Variants in FMNL2 observed in about 807,000 individuals in gnomAD.
FMNL2 encodes formin-like protein 2.
Under a neutral mutation model 130.2 loss-of-function variants are expected in FMNL2, and 51 were observed. The observed-to-expected ratio is 0.39, with a 90% confidence interval of 0.31 to 0.49. The LOEUF (loss-of-function observed/expected upper bound fraction) is 0.49. Ranked by LOEUF, FMNL2 falls within the 20% of genes least tolerant of loss-of-function variation. The pLI, the probability that FMNL2 is intolerant of heterozygous loss-of-function variation, is 0.85. For synonymous variants in FMNL2, 465 were observed against 467.1 expected (o/e 1.00, Z 0.06); for missense variants, 977 against 1,316.2 (o/e 0.74, Z 3.99).
rs555345239 is a variant in FMNL2 at position 152,635,908 on chromosome 2, A to G, written c.2681-519A>G. Among the ~76,000 whole-genome samples, 8 of 152,320 alleles carry G rather than the reference A, an allele frequency of 5.3e-5. No homozygotes were observed. The South Asian group carries it at 1.7e-3, about 32-fold the overall frequency. The stretch of plus-strand genomic sequence containing the variant: ...AAGAGTTGTAATCCCAACACTTTGG[A>G]AAGTCGGGGCAGGAGTTTGAAGGTG... On this transcript the variant is annotated intron_variant, in intron 21 of 25. Coordinates refer to ENST00000288670, the MANE Select transcript of FMNL2 (RefSeq NM_052905.4).
chr2:152,450,045 C>T (rs752135582), intron 1 of FMNL2, among the ~76,000 whole-genome samples: 1 of 152,002 alleles, frequency 6.6e-6, no homozygotes, highest in Non-Finnish European at 1.5e-5. Context: ...CTTCTGTCAC[C>T]GACATAGAAA....
chr2:152,352,753 TTTC>T (rs1682568891), intron 1 of FMNL2, among the ~76,000 whole-genome samples: 1 of 152,144 alleles, frequency 6.6e-6, no homozygotes, highest in Admixed American at 6.5e-5. Context: ...CTCTGAAGGC[TTTC>T]TGAAGGCTCT....
intron 2 of FMNL2, among the ~76,000 whole-genome samples, chr2:152,525,711 G>A (rs987353167): frequency 6.6e-6 from 1 of 152,188 alleles, no homozygotes; most frequent in Admixed American, 6.5e-5. Context: ...CTTCCTGTGC[G>A]AAGCGTTTCA....
chr2:152,495,139 T>A (rs1218219113), intron 1 of FMNL2, among the ~76,000 whole-genome samples: 1 of 152,146 alleles, frequency 6.6e-6, no homozygotes, highest in Non-Finnish European at 1.5e-5. Context: ...AAAGCCTGAA[T>A]ATGTAAATGG....
intron 1 of FMNL2, among the ~76,000 whole-genome samples, chr2:152,401,026 T>G (rs938188955): frequency 1.5e-4 from 23 of 152,228 alleles, no homozygotes. Flanking sequence ...TAAAGTTACA[T>G]GTAGGAAGAT....
intron 9 of FMNL2, among the ~76,000 whole-genome samples, chr2:152,605,404 G>T (rs1310293365): frequency 6.6e-6 from 1 of 151,902 alleles, no homozygotes; most frequent in Non-Finnish European, 1.5e-5. Flanking sequence ...CTGCAGCCTC[G>T]ACCTCATGGA....
intron 1 of FMNL2, among the ~76,000 whole-genome samples, chr2:152,375,763 C>T (rs2105876363): frequency 6.7e-6 from 1 of 149,926 alleles, no homozygotes; most frequent in African/African-American, 2.5e-5. Context: ...CCTGCCATTG[C>T]TTTGTTATGA....
chr2:152,505,539 C>T (rs1361894108), intron 1 of FMNL2, among the ~76,000 whole-genome samples: 1 of 152,130 alleles, frequency 6.6e-6, no homozygotes, highest in African/African-American at 2.4e-5. Context: ...CATTACTTGG[C>T]TTATTATTAC....
chr2:152,548,588 T>C (rs912084897), intron 3 of FMNL2, among the ~76,000 whole-genome samples: 1 of 152,208 alleles, frequency 6.6e-6, no homozygotes, highest in Non-Finnish European at 1.5e-5. Flanking sequence ...CCTGGTTTCC[T>C]GCACGTTTTA....
At chr2:152,425,819 A>G (rs1028456349) in intron 1 of FMNL2, among the ~76,000 whole-genome samples, 1 of 152,158 alleles carries the variant, frequency 6.6e-6, no homozygotes, top group Non-Finnish European at 1.5e-5. Context: ...TGTGTTTCTA[A>G]TCAATAGTTC....
intron 1 of FMNL2, among the ~76,000 whole-genome samples, chr2:152,493,701 C>T (rs560160519): frequency 1.8e-4 from 28 of 152,352 alleles, no homozygotes; most frequent in Non-Finnish European, 3.1e-4. Flanking sequence ...AGCAGTTCCT[C>T]TTCCCCTTCT....
intron 1 of FMNL2, among the ~76,000 whole-genome samples, chr2:152,339,837 T>C (rs1241660077): frequency 6.6e-6 from 1 of 152,130 alleles, no homozygotes; most frequent in African/African-American, 2.4e-5. Flanking sequence ...ATGTTCTCAT[T>C]TAATGCTCAC....
chr2:152,509,737 CTTTTTT>C (rs138976882), intron 1 of FMNL2, among the ~76,000 whole-genome samples: 12 of 58,684 alleles, frequency 2.0e-4, no homozygotes, highest in East Asian at 6.3e-4. Flanking sequence ...TACTCTGGAC[CTTTTTT>C]TTTTTTTTTT....
intron 1 of FMNL2, among the ~76,000 whole-genome samples, chr2:152,391,743 A>C: frequency 6.8e-6 from 1 of 147,490 alleles, no homozygotes; most frequent in Non-Finnish European, 1.5e-5. Context: ...TGAAGGTCAC[A>C]TTATTCATTA....
chr2:152,592,703 A>C (rs1697504644), intron 9 of FMNL2, among the ~76,000 whole-genome samples: 1 of 152,212 alleles, frequency 6.6e-6, no homozygotes, highest in Non-Finnish European at 1.5e-5. Flanking sequence ...GCACCATCTG[A>C]GGTAGGAACA....
intron 2 of FMNL2, among the ~76,000 whole-genome samples, chr2:152,542,199 A>G (rs562073147): frequency 2.1e-4 from 32 of 152,328 alleles, no homozygotes; most frequent in Non-Finnish European, 4.1e-4. Flanking sequence ...TACCCATGCA[A>G]ACATAACACT....
At chr2:152,485,089 G>A (rs1247640651) in intron 1 of FMNL2, among the ~76,000 whole-genome samples, 1 of 152,188 alleles carries the variant, frequency 6.6e-6, no homozygotes, top group Non-Finnish European at 1.5e-5. Context: ...TGGGCATGGT[G>A]GCTCCCAGCA....
intron 25 of FMNL2, among the ~76,000 whole-genome samples, chr2:152,642,187 G>A (rs1017373368): frequency 2.6e-4 from 39 of 152,224 alleles, no homozygotes; most frequent in African/African-American, 8.4e-4. Flanking sequence ...TGATCTGCCC[G>A]CCTCGGCCAC....
chr2:152,465,065 AC>A (rs910306899), intron 1 of FMNL2, among the ~76,000 whole-genome samples: 4 of 152,248 alleles, frequency 2.6e-5, no homozygotes, highest in African/African-American at 9.6e-5. Flanking sequence ...TGGGATCAGT[AC>A]TACCATGGCA....
Sources: allele counts gnomAD v4.1 joint callset (sites outside exome capture counted in the v4.1 genomes callset), GRCh38; gene constraint gnomAD v4.1.1; transcripts MANE v1.5; gene names NCBI Gene and HGNC (gene_info 2026-07-23, HGNC 2026-07-21).